PSMD11: variants seen among roughly 807,000 people sequenced by gnomAD.
The protein encoded by PSMD11 is 26S proteasome non-ATPase regulatory subunit 11.
A neutral mutation model predicts 62.3 loss-of-function variants in PSMD11; 5 were observed. The observed-to-expected ratio is 0.08, with a 90% CI of 0.04 to 0.17. The LOEUF is 0.17. Among genes scored for constraint, PSMD11 ranks in the 10% least tolerant of loss-of-function variants. PSMD11 has a pLI of 1.00. For missense variants in PSMD11, 310 were observed against 512.9 expected (o/e 0.60, Z 3.82); for synonymous variants, 191 against 191.8 (o/e 1.00, Z 0.03).
intron 1 of PSMD11, 23 bp downstream of exon 1, chr17:32,444,637 CCCGGCCCCG>C (rs748655997): frequency 6.2e-7 from 1 of 1,610,140 alleles, no homozygotes; most frequent in Admixed American, 1.7e-5. Flanking sequence ...GCGCCGCCTC[CCCGGCCCCG>C]CCGGCCCAGC....
intron 1 of PSMD11, among the ~76,000 whole-genome samples, chr17:32,446,215 A>T (rs2150827235): frequency 6.6e-6 from 1 of 152,324 alleles, no homozygotes; most frequent in South Asian, 2.1e-4. Flanking sequence ...ATGCTTTGTA[A>T]GAGTAGTAGT....
At chr17:32,462,801 C>T (rs1293395658) in intron 3 of PSMD11, among the ~76,000 whole-genome samples, 1 of 152,140 alleles carries the variant, frequency 6.6e-6, no homozygotes, top group African/African-American at 2.4e-5. Flanking sequence ...ATTATTCTAC[C>T]TCAGCCTCCC....
rs147178851 is a variant in PSMD11 at position 32,482,289 on chromosome 17, A to G, written c.*1537A>G. Reference sequence around the variant, plus strand: ...CTGTTTTGGTTTTGGCACCATCAGTATCAAATGTACAAACGGTTCTTGCTA... The same window carrying G: ...CTGTTTTGGTTTTGGCACCATCAGTGTCAAATGTACAAACGGTTCTTGCTA... On this transcript the variant is annotated 3_prime_UTR_variant, in exon 14 of 14. Coordinates refer to ENST00000261712, the MANE Select transcript of PSMD11 (RefSeq NM_002815.4). 1 of 152,134 alleles carries G rather than the reference A, an allele frequency of 6.6e-6. No homozygotes were observed. The highest frequency in any genetic ancestry group is 1.5e-5 in the Non-Finnish European group (1 of 68,028). 9.4% of individuals were successfully genotyped at this position (152,134 alleles called of 1,614,324 possible).
At chr17:32,474,962 GC>G in intron 8 of PSMD11, 138 bp downstream of exon 8, 1 of 810,352 alleles carries the variant, frequency 1.2e-6, no homozygotes. Flanking sequence ...CTTCCCTTAA[GC>G]CCATTCAGTG....
intron 3 of PSMD11, among the ~76,000 whole-genome samples, chr17:32,459,537 C>T (rs1254588940): frequency 6.6e-6 from 1 of 151,948 alleles, no homozygotes; most frequent in Non-Finnish European, 1.5e-5. Flanking sequence ...CATGCCCAGC[C>T]AGGAAATACT....
intron 2 of PSMD11, chr17:32,447,382 T>C (rs531284490): frequency 5.9e-6 from 1 of 169,112 alleles, no homozygotes; most frequent in East Asian, 1.6e-4. Context: ...TTAAGATAGA[T>C]AACAACTTTA....
intron 6 of PSMD11, among the ~76,000 whole-genome samples, chr17:32,469,703 G>GTT (rs142620297): frequency 7.4e-4 from 110 of 148,960 alleles, no homozygotes; most frequent in Middle Eastern, 3.5e-3. Flanking sequence ...GTATTCAGCA[G>GTT]TTTTTTTTTT....
At chr17:32,449,259 G>C (rs1019813114) in intron 2 of PSMD11, among the ~76,000 whole-genome samples, 5 of 152,092 alleles carry the variant, frequency 3.3e-5, no homozygotes, top group African/African-American at 9.7e-5. Context: ...AGAAAAATTA[G>C]CTGGGTGTGG....
chr17:32,451,843 G>A (rs1419438838), intron 2 of PSMD11, among the ~76,000 whole-genome samples: 2 of 152,238 alleles, frequency 1.3e-5, no homozygotes, highest in East Asian at 3.9e-4. Flanking sequence ...GGCTCAAGCA[G>A]TGCTCTTGCC....
In PSMD11 at chr17:32,480,816, A is replaced by G; in HGVS notation, c.*64A>G. 3.5e-6 allele frequency: 2 copies of G among 576,742 alleles called. No homozygotes were observed. The highest frequency in any genetic ancestry group is 3.0e-5 in the East Asian group (1 of 33,406). 35.7% of individuals were successfully genotyped at this position (576,742 alleles called of 1,614,324 possible). On this transcript the variant is annotated 3_prime_UTR_variant, in exon 14 of 14. Coordinates refer to ENST00000261712, the MANE Select transcript of PSMD11 (RefSeq NM_002815.4). ...CGGGAGAGTGAAACCTTGGGGGAAAATGCTAGGAGATTCTTTTTTCTTTTT... is the reference window on the plus strand; with the variant it reads ...CGGGAGAGTGAAACCTTGGGGGAAAGTGCTAGGAGATTCTTTTTTCTTTTT...
intron 9 of PSMD11, 168 bp downstream of exon 9, chr17:32,477,751 T>C (rs756376308): frequency 1.1e-5 from 5 of 450,858 alleles, no homozygotes; most frequent in Non-Finnish European, 1.9e-5. Flanking sequence ...AAGCACTTTG[T>C]ACAATGAAAC....
chr17:32,459,954 G>T (rs1336726419), intron 3 of PSMD11, among the ~76,000 whole-genome samples: 1 of 152,040 alleles, frequency 6.6e-6, no homozygotes, highest in African/African-American at 2.4e-5. Context: ...AAAATTTTTT[G>T]ACTGGGTGTT....
At chr17:32,452,315 A>G (rs1907528438) in intron 2 of PSMD11, among the ~76,000 whole-genome samples, 1 of 152,212 alleles carries the variant, frequency 6.6e-6, no homozygotes, top group Admixed American at 6.5e-5. Context: ...TTGCCATAAT[A>G]TTAATATCAC....
intron 2 of PSMD11, among the ~76,000 whole-genome samples, chr17:32,450,299 G>T (rs376266756): frequency 6.6e-6 from 1 of 151,550 alleles, no homozygotes; most frequent in Non-Finnish European, 1.5e-5. Flanking sequence ...CTGTTGCCCA[G>T]GCTGGAGTGC....
chr17:32,480,658 G>A (rs1567859865), intron 13 of PSMD11, 27 bp downstream of exon 13: 9 of 1,612,948 alleles, frequency 5.6e-6, no homozygotes, highest in Non-Finnish European at 7.6e-6. Flanking sequence ...GGACCCCAGG[G>A]CTGGGCAGCT....
chr17:32,464,811 T>C (rs1474726382), intron 5 of PSMD11, among the ~76,000 whole-genome samples: 1 of 152,248 alleles, frequency 6.6e-6, no homozygotes, highest in African/African-American at 2.4e-5. Context: ...TTAAGTTTAC[T>C]TGAATTTGGA....
At chr17:32,479,490 A>T (rs1908427758) in intron 10 of PSMD11, 114 bp downstream of exon 10, 1 of 1,401,638 alleles carries the variant, frequency 7.1e-7, no homozygotes, top group African/African-American at 1.4e-5. Context: ...GGTGGGCAAG[A>T]GGCCACCAAG....
At chr17:32,466,919 C>T (rs1265986918) in intron 5 of PSMD11, among the ~76,000 whole-genome samples, 10 of 152,056 alleles carry the variant, frequency 6.6e-5, no homozygotes, top group Non-Finnish European at 8.8e-5. Flanking sequence ...TTTGCTCCTT[C>T]GTATGTCTTG....
At chr17:32,444,876 C>A (rs919984224) in intron 1 of PSMD11, 2 of 527,530 alleles carry the variant, frequency 3.8e-6, no homozygotes, top group Non-Finnish European at 6.6e-6. Flanking sequence ...GAGAGTGGGC[C>A]GAGCCGGGCC....
Sources: gnomAD v4.1 joint callset for allele counts (sites outside exome capture counted in the v4.1 genomes callset) on GRCh38, gnomAD v4.1.1 for gene constraint, MANE v1.5 for transcripts, NCBI Gene and HGNC (gene_info 2026-07-23, HGNC 2026-07-21) for gene names.